Variants in DPY19L3 observed in about 807,000 individuals in gnomAD.
DPY19L3 encodes protein C-mannosyl-transferase DPY19L3.
DPY19L3 carries 51 observed loss-of-function variants against 92.3 expected under a neutral mutation model. The ratio of observed to expected loss-of-function variants is 0.55; its 90% CI spans 0.44 to 0.70. DPY19L3 has a LOEUF of 0.70. Ranked by LOEUF, DPY19L3 falls within the 30% of genes least tolerant of loss-of-function variation. The pLI is 0.00. For missense variants in DPY19L3, 706 were observed against 855.9 expected (o/e 0.82, Z 2.18); for synonymous variants, 309 against 315.2 (o/e 0.98, Z 0.21).
chr19:32,481,890 C>A, intron 18 of DPY19L3, 189 bp from the exon 19 acceptor site: 2 of 621,786 alleles, frequency 3.2e-6, no homozygotes, highest in East Asian at 2.8e-5. Flanking sequence ...TCCTTCTCAG[C>A]CTTGGTCTGC....
chr19:32,421,743 C>T (rs937202669), intron 3 of DPY19L3, among the ~76,000 whole-genome samples: 1 of 151,966 alleles, frequency 6.6e-6, no homozygotes, highest in Non-Finnish European at 1.5e-5. Flanking sequence ...ACCAACAGCA[C>T]CCTGAGTAGG....
At position 32,482,373 on chromosome 19, in the gene DPY19L3, T is replaced by C; in HGVS notation, c.*133T>C. 1 of 1,034,324 alleles carries C rather than the reference T, an allele frequency of 9.7e-7. No homozygotes were observed. Among genetic ancestry groups the C allele is most frequent in the Non-Finnish European group, 1.4e-6 (1 of 717,624 alleles). 64.1% of individuals were successfully genotyped at this position (1,034,324 alleles called of 1,614,324 possible). ...TGATATGAGTAAGTTCTACAGATGTTTACACAAGTGTTGCCATCTTTGAAA... is the reference window on the plus strand; with the variant it reads ...TGATATGAGTAAGTTCTACAGATGTCTACACAAGTGTTGCCATCTTTGAAA... On this transcript the variant is annotated 3_prime_UTR_variant, in exon 19 of 19. Coordinates refer to ENST00000392250, the MANE Select transcript of DPY19L3 (RefSeq NM_001172774.2).
At chr19:32,464,674 A>G in intron 14 of DPY19L3, 54 bp from the exon 15 acceptor site, 1 of 1,200,756 alleles carries the variant, frequency 8.3e-7, no homozygotes. Flanking sequence ...CCTGTCTCTC[A>G]AAAAAGAAAA....
chr19:32,434,042 T>G (rs1416901918), intron 4 of DPY19L3, among the ~76,000 whole-genome samples: 1 of 152,222 alleles, frequency 6.6e-6, no homozygotes, highest in Non-Finnish European at 1.5e-5. Context: ...GTACAGTTTA[T>G]ACAAGAAAAG....
intron 16 of DPY19L3, among the ~76,000 whole-genome samples, chr19:32,471,148 A>G (rs1970346274): frequency 6.6e-6 from 1 of 152,126 alleles, no homozygotes; most frequent in African/African-American, 2.4e-5. Context: ...CACTGCTTTG[A>G]TTAGTCACAC....
At position 32,484,746 on chromosome 19, in the gene DPY19L3, C is replaced by T. The variant is rs1350239503; in HGVS notation, c.*2506C>T. The T allele has an allele frequency of 6.6e-6, 1 of 152,160 alleles. No homozygotes were observed. Among genetic ancestry groups the T allele is most frequent in the Non-Finnish European group, 1.5e-5 (1 of 68,038 alleles). 9.4% of individuals were successfully genotyped at this position (152,160 alleles called of 1,614,324 possible). A position where few individuals can be genotyped will look rare whatever the true frequency, so the allele number is the denominator to read the frequency against. ...AAACTCCTCCATGCAAGTTCTGCTT[C>T]CTCTTATAAGTACACAACTCAGTTA... On this transcript the variant is annotated 3_prime_UTR_variant, in exon 19 of 19. Coordinates refer to ENST00000392250, the MANE Select transcript of DPY19L3 (RefSeq NM_001172774.2).
At chr19:32,466,353 G>C (rs9304836) in intron 15 of DPY19L3, among the ~76,000 whole-genome samples, 1 of 152,138 alleles carries the variant, frequency 6.6e-6, no homozygotes, top group East Asian at 1.9e-4. Flanking sequence ...TACAGAAATA[G>C]GCATTTAACC....
In DPY19L3 at chr19:32,458,445, G is replaced by T. The variant is rs1484575274; in HGVS notation, c.1258G>T (p.Ala420Ser). 6.2e-7 allele frequency: 1 copy of T among 1,613,626 alleles called. No homozygotes were observed. The highest frequency in any genetic ancestry group is 8.5e-7 in the Non-Finnish European group (1 of 1,179,940). ...GRLSDTLLFY[A>S]YIFVLSITVI... ...GCTTTCAGATACTCTGCTTTTTTAT[G>T]CTTACATATTCGTTCTGTCCATCAC... Residue 420 changes from alanine (A) to serine (S), a missense_variant, in exon 12 of 19, where the codon GCT becomes TCT. Physicochemically the swap from Ala to Ser is moderately conservative, Grantham distance 99. Coordinates refer to ENST00000392250, the MANE Select transcript of DPY19L3 (RefSeq NM_001172774.2).
intron 3 of DPY19L3, among the ~76,000 whole-genome samples, chr19:32,427,685 T>C (rs1224403657): frequency 6.6e-6 from 1 of 152,194 alleles, no homozygotes; most frequent in Non-Finnish European, 1.5e-5. Context: ...ACTTCTCACA[T>C]GCCACGGCTT....
In DPY19L3 at chr19:32,449,090, A is replaced by G. The variant is rs370643164; in HGVS notation, c.856-4055A>G. 4.6e-5 allele frequency among the ~76,000 whole-genome samples: 7 copies of G among 152,352 alleles called. No homozygotes were observed. The East Asian group carries it at 1.3e-3, about 29-fold the overall frequency. On this transcript the variant is annotated intron_variant, in intron 8 of 18. Transcript: ENST00000392250. Reference sequence around the variant, plus strand: ...AAAAAGCATTTGTAAATGAGTTAGTATCCTTAAGAGTTCCTGCAAATCCAT... The same window carrying G: ...AAAAAGCATTTGTAAATGAGTTAGTGTCCTTAAGAGTTCCTGCAAATCCAT...
intron 9 of DPY19L3, among the ~76,000 whole-genome samples, chr19:32,453,542 A>T (rs1328789877): frequency 6.6e-6 from 1 of 152,172 alleles, no homozygotes; most frequent in Non-Finnish European, 1.5e-5. Flanking sequence ...GCTTGGTTGA[A>T]TGCCACTGAT....
intron 9 of DPY19L3, among the ~76,000 whole-genome samples, chr19:32,454,693 A>G (rs1010981890): frequency 6.6e-6 from 1 of 152,246 alleles, no homozygotes; most frequent in African/African-American, 2.4e-5. Context: ...TAATTAGGAA[A>G]AAAAAGACTA....
intron 3 of DPY19L3, among the ~76,000 whole-genome samples, chr19:32,418,433 T>C (rs1968450035): frequency 6.6e-6 from 1 of 152,240 alleles, no homozygotes; most frequent in African/African-American, 2.4e-5. Context: ...TCTAGTACAG[T>C]GGCCACATGT....
At chr19:32,410,265 C>T (rs1328285828) in intron 2 of DPY19L3, among the ~76,000 whole-genome samples, 1 of 152,106 alleles carries the variant, frequency 6.6e-6, no homozygotes, top group East Asian at 1.9e-4. Flanking sequence ...CTTTTTCCTA[C>T]TGCAGTATTC....
intron 8 of DPY19L3, among the ~76,000 whole-genome samples, chr19:32,441,681 A>G (rs1029295508): frequency 1.3e-5 from 2 of 152,046 alleles, no homozygotes; most frequent in African/African-American, 4.8e-5. Flanking sequence ...TATTTTTAGT[A>G]GAGACAGGGT....
chr19:32,476,019 G>C (rs1386374618), intron 16 of DPY19L3, among the ~76,000 whole-genome samples: 1 of 152,198 alleles, frequency 6.6e-6, no homozygotes, highest in Admixed American at 6.5e-5. Context: ...GCAAGTGAAT[G>C]AGAGTGTCAT....
chr19:32,427,909 G>A (rs180670672), intron 3 of DPY19L3: 2 of 151,678 alleles, frequency 1.3e-5, no homozygotes, highest in South Asian at 2.1e-4. Flanking sequence ...TTAATTTTTC[G>A]GTGGCTTCCC....
chr19:32,460,715 T>C (rs1970012083), intron 12 of DPY19L3, among the ~76,000 whole-genome samples: 1 of 152,224 alleles, frequency 6.6e-6, no homozygotes, highest in African/African-American at 2.4e-5. Flanking sequence ...TGCGATCTGT[T>C]GTTGGCCAAA....
intron 8 of DPY19L3, among the ~76,000 whole-genome samples, chr19:32,446,837 A>G: frequency 6.6e-6 from 1 of 152,236 alleles, no homozygotes; most frequent in African/African-American, 2.4e-5. Flanking sequence ...GAGATATAGA[A>G]CCCAACAACA....
Sources: allele counts gnomAD v4.1 joint callset (sites outside exome capture counted in the v4.1 genomes callset), GRCh38; gene constraint gnomAD v4.1.1; transcripts MANE v1.5; gene names NCBI Gene and HGNC (gene_info 2026-07-23, HGNC 2026-07-21).